The following KDM3A variants were observed in gnomAD, a reference collection of about 807,000 sequenced individuals.
KDM3A encodes lysine-specific demethylase 3A.
A neutral mutation model predicts 158.0 loss-of-function variants in KDM3A; 60 were observed. The observed-to-expected ratio is 0.38, with a 90% CI of 0.31 to 0.47. KDM3A has a LOEUF of 0.47. Ranked by LOEUF, KDM3A falls within the 20% of genes least tolerant of loss-of-function variation. KDM3A has a pLI of 0.99. For missense variants in KDM3A, 1,319 were observed against 1,574.3 expected (o/e 0.84, Z 2.74); for synonymous variants, 608 against 549.3 (o/e 1.11, Z -1.49).
chr2:86,475,388 G>T (rs1463140596), intron 12 of KDM3A, among the ~76,000 whole-genome samples: 2 of 152,200 alleles, frequency 1.3e-5, no homozygotes, highest in African/African-American at 4.8e-5. Flanking sequence ...CCGAGTTAGA[G>T]TCTGCAGGGC....
chr2:86,464,590 C>G (rs1405492541), intron 9 of KDM3A, among the ~76,000 whole-genome samples: 1 of 152,124 alleles, frequency 6.6e-6, no homozygotes, highest in Non-Finnish European at 1.5e-5. Context: ...TTCTCCGCAG[C>G]CTCGACATGA....
At chr2:86,456,595 T>C (rs1159300314) in intron 6 of KDM3A, 29 bp downstream of exon 6, 1 of 1,590,880 alleles carries the variant, frequency 6.3e-7, no homozygotes, top group Non-Finnish European at 8.6e-7. Context: ...CTTTGTAAGA[T>C]AACTCGACAA....
chr2:86,473,215 T>C (rs929166281), intron 11 of KDM3A, among the ~76,000 whole-genome samples: 1 of 152,198 alleles, frequency 6.6e-6, no homozygotes, highest in East Asian at 1.9e-4. Flanking sequence ...CTGGAGTGCA[T>C]TGGCACGATC....
chr2:86,470,531 AT>A, intron 11 of KDM3A, 123 bp downstream of exon 11: 2 of 727,816 alleles, frequency 2.7e-6, no homozygotes, highest in Non-Finnish European at 4.6e-6. Context: ...TAGATGTTGC[AT>A]TTATAATCTC....
chr2:86,462,783 C>T (rs768315270), intron 8 of KDM3A, among the ~76,000 whole-genome samples: 4 of 152,052 alleles, frequency 2.6e-5, no homozygotes, highest in Admixed American at 6.6e-5. Context: ...TAAATATATT[C>T]GAAATTGTCA....
rs752181163 is a variant in KDM3A, at chr2:86,464,101, A to C, written c.892A>C (p.Lys298Gln). The stretch of plus-strand genomic sequence containing the variant: ...GCAGTCTGTACCTACAACAGTTTTT[A>C]AGGAGATACTGCTTGGCTGTACTGC... ...PVQSVPTTVFKEILLGCTAAT... is the reference protein window; with the variant it reads ...PVQSVPTTVFQEILLGCTAAT... The change falls in exon 9 of 26, where the codon AAG (lysine) becomes CAG (glutamine). Residue 298 changes from lysine to glutamine, a missense_variant. This residue lies in a region of KDM3A where 652 missense variants were observed against 627.2 expected (regional missense o/e 1.04). Transcript: ENST00000312912. The C allele has an allele frequency of 1.2e-6, 2 of 1,612,716 alleles. No individual in the cohort carries two copies. The highest frequency in any genetic ancestry group is 1.7e-6 in the Non-Finnish European group (2 of 1,179,088).
Position 86,466,557 on chromosome 2 carries a change from A to T in KDM3A, c.1193A>T (p.Asp398Val). The T allele has an allele frequency of 6.2e-7, 1 of 1,613,968 alleles. No homozygotes were observed. Among genetic ancestry groups the T allele is most frequent in the Non-Finnish European group, 8.5e-7 (1 of 1,179,866 alleles). Residue 398 changes from aspartate (D) to valine (V), a missense_variant, in exon 10 of 26, where the codon GAT becomes GTT. Transcript: ENST00000312912. ...GSCTQPKTNT[D>V]QENRLESVPQ... Reference sequence around the variant, plus strand: ...TGTACTCAGCCTAAGACAAACACTGATCAGGAAAACAGATTGGAGTCTGTT... The same window carrying T: ...TGTACTCAGCCTAAGACAAACACTGTTCAGGAAAACAGATTGGAGTCTGTT...
At chr2:86,465,940 A>C (rs1314682957) in intron 9 of KDM3A, among the ~76,000 whole-genome samples, 28 of 12,786 alleles carry the variant, frequency 2.2e-3, no homozygotes, top group East Asian at 0.053. Context: ...TTTACACACA[A>C]AAAAAAAAAA....
intron 16 of KDM3A, among the ~76,000 whole-genome samples, chr2:86,481,498 T>C (rs75178454): frequency 7.1e-6 from 1 of 141,620 alleles, no homozygotes; most frequent in African/African-American, 2.5e-5. Context: ...TTTGGTTTTG[T>C]TTTTTTTTTT....
Position 86,478,743 on chromosome 2 carries a change from C to T in KDM3A, c.2316+8C>T. 4 of 1,611,676 alleles carry T rather than the reference C, an allele frequency of 2.5e-6. No homozygotes were observed. Among genetic ancestry groups the T allele is most frequent in the African/African-American group, 1.3e-5 (1 of 74,920 alleles). ...AAGGAAGACCTAAAACAGGTATTTA[C>T]TGCTTATGTTAAATTCAACATCTCT... On this transcript the variant is annotated splice_region_variant and intron_variant, in intron 15 of 25. Transcript: ENST00000312912.
upstream of KDM3A, among the ~76,000 whole-genome samples, chr2:86,440,117 T>C (rs1682610924): frequency 6.6e-6 from 1 of 152,212 alleles, no homozygotes; most frequent in South Asian, 2.1e-4. Flanking sequence ...TTCAGCTGGA[T>C]AGGTTTTTTC....
At chr2:86,477,752 T>C in intron 12 of KDM3A, 125 bp from the exon 13 acceptor site, 1 of 859,630 alleles carries the variant, frequency 1.2e-6, no homozygotes, top group Non-Finnish European at 1.8e-6. Context: ...GCATTTGCAA[T>C]GAAGCCTGAA....
upstream of KDM3A, chr2:86,440,660 T>C (rs530316488): frequency 5.9e-5 from 9 of 152,368 alleles, no homozygotes; most frequent in African/African-American, 1.7e-4. Context: ...ATCCAGTAAC[T>C]CCACGCCTTT....
chr2:86,468,595 C>CT (rs991471705), intron 10 of KDM3A, among the ~76,000 whole-genome samples: 21 of 147,004 alleles, frequency 1.4e-4, no homozygotes, highest in Admixed American at 2.7e-4. Context: ...TCTACTGTGA[C>CT]TTTTTTTTTT....
chr2:86,468,678 G>A (rs1275325898), intron 10 of KDM3A, among the ~76,000 whole-genome samples: 1 of 152,066 alleles, frequency 6.6e-6, no homozygotes, highest in African/African-American at 2.4e-5. Context: ...CTGCATGTTA[G>A]TACAGAAGGC....
chr2:86,486,133 T>C (rs1258752793), intron 21 of KDM3A, among the ~76,000 whole-genome samples: 1 of 152,204 alleles, frequency 6.6e-6, no homozygotes, highest in South Asian at 2.1e-4. Context: ...CTTAATAGTC[T>C]TTAGATGACT....
At position 86,466,463 on chromosome 2, in the gene KDM3A, G is replaced by C. The variant is rs1294083033; in HGVS notation, c.1099G>C (p.Gly367Arg). ...AACAAAACCAGATGTCTGCAAAGCA[G>C]GGTTGCTCTCAAAGTCCTCTCAGAT... ...LRTKPDVCKAGLLSKSSQIGT... is the reference protein window; with the variant it reads ...LRTKPDVCKARLLSKSSQIGT... Residue 367 changes from glycine to arginine, a missense_variant, in exon 10 of 26, where the codon GGG (glycine) becomes CGG (arginine). By Grantham distance (125) the Gly-to-Arg change is moderately radical (BLOSUM62 -2). Around this residue, in one of 4 missense-constraint regions of KDM3A, gnomAD observed 652 missense variants for 627.2 expected, o/e 1.04. Coordinates refer to ENST00000312912, the MANE Select transcript of KDM3A (RefSeq NM_018433.6). 7 of 1,613,892 alleles carry C rather than the reference G, an allele frequency of 4.3e-6. No individual in the cohort carries two copies. The highest frequency in any genetic ancestry group is 5.1e-6 in the Non-Finnish European group (6 of 1,179,848).
At position 86,449,942 on chromosome 2, in the gene KDM3A, A is replaced by G; in HGVS notation, c.322A>G (p.Ile108Val). ...AAAGTCACCTGAAATTTCTGAACGAATTGTACAGTGGCCTGCAATAGTGAG... is the reference window on the plus strand; with the variant it reads ...AAAGTCACCTGAAATTTCTGAACGAGTTGTACAGTGGCCTGCAATAGTGAG... Reference protein sequence around the residue: ...ERKSPEISERIVQWPAITYKP... With the variant: ...ERKSPEISERVVQWPAITYKP... Residue 108 changes from isoleucine (I) to valine (V), a missense_variant, in exon 3 of 26, where the codon ATT (isoleucine) becomes GTT (valine). Ile to Val is a conservative substitution (Grantham distance 29). This residue lies in a region of KDM3A where 652 missense variants were observed against 627.2 expected (regional missense o/e 1.04). Transcript: ENST00000312912. The G allele has an allele frequency of 1.2e-6, 2 of 1,613,444 alleles. No individual in the cohort carries two copies. The highest frequency in any genetic ancestry group is 1.7e-6 in the Non-Finnish European group (2 of 1,179,572).
intron 9 of KDM3A, among the ~76,000 whole-genome samples, chr2:86,464,748 A>T (rs1204229944): frequency 6.6e-6 from 1 of 152,260 alleles, no homozygotes; most frequent in Non-Finnish European, 1.5e-5. Context: ...TAGAAAGTTT[A>T]AAGTAGGTAC....
Sources: allele counts gnomAD v4.1 joint callset (sites outside exome capture counted in the v4.1 genomes callset), GRCh38; gene constraint gnomAD v4.1.1; regional missense constraint gnomAD v4.1.1; transcripts MANE v1.5; gene names NCBI Gene and HGNC (gene_info 2026-07-23, HGNC 2026-07-21).